ROS1: variants seen among roughly 807,000 people sequenced by gnomAD.
ROS1 encodes the protein ROS proto-oncogene 1, receptor tyrosine kinase.
In ROS1, 263 loss-of-function variants were observed where a neutral mutation model predicts 273.5. The ratio of observed to expected loss-of-function variants is 0.96; its 90% CI spans 0.87 to 1.06. ROS1 has a LOEUF of 1.06. Among genes scored for constraint, ROS1 ranks in the 50% least tolerant of loss-of-function variants. The probability of loss-of-function intolerance (pLI) is 0.00; values close to 1 mark genes in which losing one functional copy is unlikely to be tolerated. For synonymous variants in ROS1, 1,008 were observed against 954.1 expected (o/e 1.06, Z -1.04); for missense variants, 2,833 against 2,751.1 (o/e 1.03, Z -0.67).
At chr6:117,368,465 A>G (rs1317032664) in intron 18 of ROS1, among the ~76,000 whole-genome samples, 1 of 152,180 alleles carries the variant, frequency 6.6e-6, no homozygotes, top group Non-Finnish European at 1.5e-5. Flanking sequence ...TTCAATTACA[A>G]TTCTCAAGTT....
intron 2 of ROS1, among the ~76,000 whole-genome samples, chr6:117,418,127 A>G (rs1775472664): frequency 6.6e-6 from 1 of 152,224 alleles, no homozygotes; most frequent in Non-Finnish European, 1.5e-5. Context: ...GAACAGTAAT[A>G]AAACCATAAA....
intron 12 of ROS1, among the ~76,000 whole-genome samples, chr6:117,392,920 A>T (rs546831938): frequency 1.7e-4 from 26 of 152,292 alleles, no homozygotes; most frequent in African/African-American, 5.3e-4. Flanking sequence ...CATGATAAAG[A>T]AGTGGCAAAT....
In ROS1 at chr6:117,353,147, T is replaced by G; in HGVS notation, c.4146A>C (p.Leu1382Phe). The change falls in exon 27 of 44, where the codon TTA (leucine) becomes TTC (phenylalanine). Residue 1382 changes from leucine (L) to phenylalanine (F), a missense_variant. By Grantham distance (22) the Leu-to-Phe change is conservative. Transcript: ENST00000368507. ...PAMLGKTLVSLTVDGDLIYWI... is the reference protein window; with the variant it reads ...PAMLGKTLVSFTVDGDLIYWI... The stretch of plus-strand genomic sequence containing the variant: ...AGTATATAAGATCTCCATCCACAGT[T>G]AAGCTAACAAGGGTTTTTCCTGCTG... 6.2e-7 allele frequency: 1 copy of G among 1,610,076 alleles called. No homozygotes were observed. The highest frequency in any genetic ancestry group is 8.5e-7 in the Non-Finnish European group (1 of 1,177,912).
intron 11 of ROS1, among the ~76,000 whole-genome samples, chr6:117,393,789 T>G (rs546448012): frequency 6.6e-6 from 1 of 152,330 alleles, no homozygotes; most frequent in South Asian, 2.1e-4. Flanking sequence ...TTTGGAGAAC[T>G]ACTAAATTTC....
intron 32 of ROS1, among the ~76,000 whole-genome samples, chr6:117,330,326 G>C (rs774291667): frequency 2.6e-5 from 4 of 152,044 alleles, no homozygotes; most frequent in Non-Finnish European, 5.9e-5. Flanking sequence ...AGATCTCCCT[G>C]GGCCTGAGCC....
At chr6:117,291,148 T>G (rs948902768) in intron 43 of ROS1, among the ~76,000 whole-genome samples, 7 of 151,328 alleles carry the variant, frequency 4.6e-5, no homozygotes, top group African/African-American at 1.7e-4. Context: ...CTCTTTTCAT[T>G]CCTTATCTTC....
intron 17 of ROS1, 129 bp downstream of exon 17, chr6:117,383,188 C>G: frequency 1.4e-6 from 1 of 691,028 alleles, no homozygotes; most frequent in Non-Finnish European, 2.2e-6. Context: ...TTGGTTAAAC[C>G]AAGATCTTAC....
chr6:117,353,123 G>T lies in ROS1; in HGVS notation c.4170C>A (p.Tyr1390Ter). 3.1e-6 allele frequency: 5 copies of T among 1,613,550 alleles called. No individual in the cohort carries two copies. Among genetic ancestry groups the T allele is most frequent in the Non-Finnish European group, 4.2e-6 (5 of 1,179,706 alleles). Residue 1390 changes from tyrosine to a stop codon, truncating the protein, a stop_gained, in exon 27 of 44, where the codon TAC (tyrosine) becomes TAA (stop). Coordinates refer to ENST00000368507, the MANE Select transcript of ROS1 (RefSeq NM_001378902.1). LOFTEE classifies it high-confidence loss of function. ...VSLTVDGDLI[Y>*]WIITAKDSTQ... ...TGCTGTCCTTTGCTGTGATGATCCA[G>T]TATATAAGATCTCCATCCACAGTTA... is the stretch of plus-strand genomic sequence containing the variant.
chr6:117,381,225 T>TTA (rs1389336979), intron 17 of ROS1, among the ~76,000 whole-genome samples: 5 of 151,496 alleles, frequency 3.3e-5, no homozygotes, highest in African/African-American at 9.7e-5. Context: ...TTTGCTTTTA[T>TTA]TATATATATA....
chr6:117,303,452 T>G (rs2128540327), intron 42 of ROS1, among the ~76,000 whole-genome samples: 1 of 152,206 alleles, frequency 6.6e-6, no homozygotes, highest in East Asian at 1.9e-4. Context: ...GAATAGGGTG[T>G]GGATGGGAGT....
chr6:117,375,988 A>G (rs952644228), intron 18 of ROS1, among the ~76,000 whole-genome samples: 2 of 152,086 alleles, frequency 1.3e-5, no homozygotes, highest in African/African-American at 4.8e-5. Flanking sequence ...TCAATCTAAA[A>G]AGCTAGAAAA....
Position 117,385,766 on chromosome 6 carries a change from G to A in ROS1, c.2206C>T (p.His736Tyr), listed in dbSNP as rs777867372. The change falls in exon 16 of 44, where the codon CAC becomes TAC. Residue 736 changes from histidine to tyrosine, a missense_variant. Transcript: ENST00000368507. Reference protein sequence around the residue: ...LNGTDISENYHLPSIAGAGAL... With the variant: ...LNGTDISENYYLPSIAGAGAL... ...CCTGCTCCTGCAATGCTGGGTAGGTGATAATTCTCTGAGATATCCGTCCCA... is the reference window on the plus strand; with the variant it reads ...CCTGCTCCTGCAATGCTGGGTAGGTAATAATTCTCTGAGATATCCGTCCCA... 6.2e-7 allele frequency: 1 copy of A among 1,614,160 alleles called. No homozygotes were observed.
chr6:117,409,870 G>C (rs569879725), intron 4 of ROS1, among the ~76,000 whole-genome samples: 119 of 152,124 alleles, frequency 7.8e-4, no homozygotes, highest in African/African-American at 2.8e-3. Flanking sequence ...CCAAACTTTT[G>C]ACCATGCTCC....
chr6:117,375,158 T>C (rs1047137367), intron 18 of ROS1, among the ~76,000 whole-genome samples: 3 of 152,206 alleles, frequency 2.0e-5, no homozygotes, highest in East Asian at 1.9e-4. Context: ...CTGGATGGAA[T>C]TGGAGACCGT....
chr6:117,318,457 G>T (rs501109), intron 37 of ROS1, among the ~76,000 whole-genome samples: 14,439 of 152,160 alleles, frequency 0.095, 875 homozygotes, highest in Middle Eastern at 0.14. Flanking sequence ...AAAATAAGAG[G>T]TCTAGTAATG....
intron 26 of ROS1, among the ~76,000 whole-genome samples, chr6:117,355,634 C>T (rs2128641969): frequency 6.7e-6 from 1 of 149,640 alleles, no homozygotes; most frequent in African/African-American, 2.5e-5. Context: ...TTTTTTGAGA[C>T]AGTCTTACTC....
At chr6:117,294,213 G>A (rs1055443426) in intron 43 of ROS1, among the ~76,000 whole-genome samples, 2 of 152,058 alleles carry the variant, frequency 1.3e-5, no homozygotes, top group African/African-American at 4.8e-5. Flanking sequence ...ACTAAATGGA[G>A]GAAAGTTGAA....
chr6:117,401,803 T>TATAAA (rs1773958720), intron 7 of ROS1, among the ~76,000 whole-genome samples: 1 of 89,186 alleles, frequency 1.1e-5, no homozygotes, highest in Non-Finnish European at 2.2e-5. Flanking sequence ...AACTTTTCAG[T>TATAAA]AAAAAAAAAA....
chr6:117,424,729 C>G (rs1185865607), intron 1 of ROS1, among the ~76,000 whole-genome samples: 1 of 151,932 alleles, frequency 6.6e-6, no homozygotes, highest in Admixed American at 6.6e-5. Context: ...TTTAATCTGC[C>G]ACATAATTCT....
Sources: gnomAD v4.1 joint callset for allele counts (sites outside exome capture counted in the v4.1 genomes callset) on GRCh38, gnomAD v4.1.1 for gene constraint, MANE v1.5 for transcripts, NCBI Gene and HGNC (gene_info 2026-07-23, HGNC 2026-07-21) for gene names.